COL11A1: variants seen among roughly 807,000 people sequenced by gnomAD.
COL11A1 encodes the protein collagen type XI alpha 1 chain.
Under a neutral mutation model 265.2 loss-of-function variants are expected in COL11A1, and 74 were observed. That is an observed-to-expected ratio of 0.28 (90% CI 0.23 to 0.34). The LOEUF (loss-of-function observed/expected upper bound fraction) is 0.34, where lower values mean the gene tolerates loss of function less well. Among genes scored for constraint, COL11A1 ranks in the 10% least tolerant of loss-of-function variants. The probability of loss-of-function intolerance (pLI) is 1.00; values close to 1 mark genes in which losing one functional copy is unlikely to be tolerated. For missense variants in COL11A1, 2,165 were observed against 2,263.6 expected (o/e 0.96, Z 0.88); for synonymous variants, 816 against 727.6 (o/e 1.12, Z -1.96).
At chr1:102,975,344 TA>T (rs1476486952) in intron 35 of COL11A1, among the ~76,000 whole-genome samples, 2 of 151,486 alleles carry the variant, frequency 1.3e-5, no homozygotes, top group Non-Finnish European at 2.9e-5. Flanking sequence ...ATTCCAAAAC[TA>T]AAAGAGAAAG....
At chr1:102,995,769 C>A (rs1255157610) in intron 28 of COL11A1, 95 bp downstream of exon 28, 2 of 1,009,340 alleles carry the variant, frequency 2.0e-6, no homozygotes, top group Non-Finnish European at 3.1e-6. Context: ...ATGTAGTAAT[C>A]ACTCATATAT....
rs572720851 is a variant in COL11A1, at chr1:103,064,304, T to A, written c.651+10314A>T. ...CCAAAATTTAGAAGCAACCAAGATGTCTTTTAGTAGGTAAACTGATAAATA... is the reference window on the plus strand; with the variant it reads ...CCAAAATTTAGAAGCAACCAAGATGACTTTTAGTAGGTAAACTGATAAATA... On this transcript the variant is annotated intron_variant, in intron 4 of 66. Coordinates refer to ENST00000370096, the MANE Select transcript of COL11A1 (RefSeq NM_001854.4). 2.1e-3 allele frequency among the ~76,000 whole-genome samples: 314 copies of A among 152,242 alleles called. 2 individuals carry two copies. The highest frequency in any genetic ancestry group is 7.4e-3 in the African/African-American group (307 of 41,532).
intron 57 of COL11A1, among the ~76,000 whole-genome samples, chr1:102,891,041 T>C (rs928629551): frequency 6.6e-6 from 1 of 152,090 alleles, no homozygotes; most frequent in African/African-American, 2.4e-5. Context: ...TAATATTCTA[T>C]AGAATAAGAA....
chr1:103,074,646 G>C lies in COL11A1; in HGVS notation c.623C>G (p.Thr208Arg). Residue 208 changes from threonine to arginine, a missense_variant, in exon 4 of 67, where the codon ACA (threonine) becomes AGA (arginine). Transcript: ENST00000370096. The part of the protein sequence containing the change: ...VDTNGITVFG[T>R]RILDEEVFEG... Reference sequence around the variant, plus strand: ...AAAAACTTCTTCATCCAAAATCCTTGTTCCAAAAACCGTGATTCCATTGGT... The same window carrying C: ...AAAAACTTCTTCATCCAAAATCCTTCTTCCAAAAACCGTGATTCCATTGGT... 1 of 1,613,142 alleles carries C rather than the reference G, an allele frequency of 6.2e-7. No homozygotes were observed. The highest frequency in any genetic ancestry group is 8.5e-7 in the Non-Finnish European group (1 of 1,179,496).
At chr1:102,914,431 G>A (rs371376152) in intron 51 of COL11A1, 26 bp from the exon 52 acceptor site, 6 of 1,572,950 alleles carry the variant, frequency 3.8e-6, no homozygotes, top group East Asian at 2.3e-5. Context: ...GAAAGAAAAA[G>A]AAATAAATGA....
chr1:103,026,290 C>T lies in COL11A1; in HGVS notation c.823G>A (p.Glu275Lys), dbSNP rs752280931. The stretch of plus-strand genomic sequence containing the variant: ...CTTTCAGCCTCTTTATACTCTGCTT[C>T]CCCATACTCATAGTCATATTCGATT... Reference protein sequence around the residue: ...DIIEYDYEYGEAEYKEAESVT... With the variant: ...DIIEYDYEYGKAEYKEAESVT... Residue 275 changes from glutamate to lysine, a missense_variant, in exon 6 of 67, where the codon GAA becomes AAA. Glu to Lys is a moderately conservative substitution (Grantham distance 56, BLOSUM62 1). Transcript: ENST00000370096. The T allele has an allele frequency of 1.4e-5, 22 of 1,613,470 alleles. No homozygotes were observed. The Middle Eastern group carries it at 6.6e-4, about 48-fold the overall frequency.
intron 1 of COL11A1, 112 bp downstream of exon 1, chr1:103,107,960 GC>G: frequency 1.3e-6 from 1 of 764,318 alleles, no homozygotes. Flanking sequence ...TAAGGGAATT[GC>G]TTTTTTTTTT....
intron 1 of COL11A1, among the ~76,000 whole-genome samples, chr1:103,094,392 A>G (rs1212861698): frequency 1.3e-5 from 2 of 152,166 alleles, no homozygotes; most frequent in Non-Finnish European, 2.9e-5. Flanking sequence ...CCCTTCTATG[A>G]TATGGTAACT....
chr1:102,884,977 T>C (rs183742353), intron 63 of COL11A1, among the ~76,000 whole-genome samples: 2 of 152,278 alleles, frequency 1.3e-5, no homozygotes, highest in Non-Finnish European at 2.9e-5. Flanking sequence ...AAACCCTTAT[T>C]CCAGAGGGGT....
chr1:103,006,861 G>C (rs1665677891), intron 15 of COL11A1, among the ~76,000 whole-genome samples: 1 of 151,890 alleles, frequency 6.6e-6, no homozygotes, highest in Admixed American at 6.6e-5. Context: ...GTAGACATGA[G>C]GTTACATTTA....
chr1:103,044,761 A>C (rs1669111596), intron 4 of COL11A1, among the ~76,000 whole-genome samples: 1 of 152,114 alleles, frequency 6.6e-6, no homozygotes, highest in Non-Finnish European at 1.5e-5. Context: ...GTCAGGTACT[A>C]TTTTAGATTT....
At chr1:102,970,058 T>TTATATA (rs10639471) in intron 37 of COL11A1, among the ~76,000 whole-genome samples, 161 bp downstream of exon 37, 20 of 150,676 alleles carry the variant, frequency 1.3e-4, no homozygotes, top group African/African-American at 4.9e-4. Context: ...ATTTTTGTAT[T>TTATATA]TATATATATA....
At position 102,888,377 on chromosome 1, in the gene COL11A1, G is replaced by T. The variant is rs11164633; in HGVS notation, c.4608+200C>A. Among the ~76,000 whole-genome samples the T allele has an allele frequency of 0.49, 74,259 of 151,856 alleles. 21,735 individuals are homozygous for T. Among genetic ancestry groups the T allele is most frequent in the East Asian group, 0.66 (3,414 of 5,146 alleles). On this transcript the variant is annotated intron_variant, in intron 62 of 66. Transcript: ENST00000370096. ...AACAAGACTATAATATACAATTAAG[G>T]CATTTATATTTGAAGAGTGAAATCA...
intron 1 of COL11A1, 100 bp downstream of exon 1, chr1:103,107,973 T>TTC (rs1674839865): frequency 1.2e-6 from 1 of 841,392 alleles, no homozygotes. Context: ...TTTTTTTTTT[T>TTC]TTCTTGAAGA....
At chr1:103,010,405 G>C (rs1571024180) in intron 14 of COL11A1, among the ~76,000 whole-genome samples, 1 of 152,176 alleles carries the variant, frequency 6.6e-6, no homozygotes, top group East Asian at 1.9e-4. Flanking sequence ...AATAATTAAG[G>C]AAGCTAAAAC....
intron 54 of COL11A1, among the ~76,000 whole-genome samples, chr1:102,899,682 T>G (rs940239875): frequency 6.6e-6 from 1 of 152,166 alleles, no homozygotes; most frequent in African/African-American, 2.4e-5. Context: ...TGCTTTTCAT[T>G]TTTTTCCCTC....
Position 102,877,184 on chromosome 1 carries a change from C to T in COL11A1, c.*835G>A, listed in dbSNP as rs1014815355. ...TTAATATACTTTCTTACACACATTT[C>T]CCTGTCCAAAAATATAAACTTGCTT... On this transcript the variant is annotated 3_prime_UTR_variant, in exon 67 of 67. Coordinates refer to ENST00000370096, the MANE Select transcript of COL11A1 (RefSeq NM_001854.4). 6 of 152,512 alleles carry T rather than the reference C, an allele frequency of 3.9e-5. No homozygotes were observed. Among genetic ancestry groups the T allele is most frequent in the African/African-American group, 1.4e-4 (6 of 41,428 alleles). 9.4% of individuals were successfully genotyped at this position (152,512 alleles called of 1,614,324 possible). A position where few individuals can be genotyped will look rare whatever the true frequency, so the allele number is the denominator to read the frequency against.
intron 41 of COL11A1, among the ~76,000 whole-genome samples, chr1:102,949,585 A>T (rs779388889): frequency 2.6e-5 from 4 of 152,202 alleles, no homozygotes; most frequent in Non-Finnish European, 5.9e-5. Context: ...CAATTATTAT[A>T]CCTACTAATT....
At chr1:103,051,302 C>T (rs907338486) in intron 4 of COL11A1, among the ~76,000 whole-genome samples, 22 of 152,204 alleles carry the variant, frequency 1.4e-4, no homozygotes, top group Admixed American at 5.2e-4. Flanking sequence ...TTGGCAATGG[C>T]GGGTGCCCCT....
Sources: gnomAD v4.1 joint callset for allele counts (sites outside exome capture counted in the v4.1 genomes callset) on GRCh38, gnomAD v4.1.1 for gene constraint, MANE v1.5 for transcripts, NCBI Gene and HGNC (gene_info 2026-07-23, HGNC 2026-07-21) for gene names.